FAM228B: variants seen among roughly 807,000 people sequenced by gnomAD.
The protein encoded by FAM228B is protein FAM228B.
In FAM228B, 38 loss-of-function variants were observed where a neutral mutation model predicts 42.6. The ratio of observed to expected loss-of-function variants is 0.89; its 90% CI spans 0.69 to 1.17. The LOEUF (loss-of-function observed/expected upper bound fraction) is 1.17, where lower values mean the gene tolerates loss of function less well. Ranked by LOEUF, FAM228B falls within the 50% of genes most tolerant of loss-of-function variation. The pLI is 0.00. For missense variants in FAM228B, 344 were observed against 367.3 expected, an observed-to-expected ratio of 0.94 and a Z score of 0.52; for synonymous variants, 109 against 122.3, an observed-to-expected ratio of 0.89 and a Z score of 0.72.
At chr2:24,111,135 A>G (rs865923813) in intron 3 of FAM228B, among the ~76,000 whole-genome samples, 5 of 151,916 alleles carry the variant, frequency 3.3e-5, no homozygotes, top group South Asian at 4.2e-4. Context: ...ATCATAGCTC[A>G]GTGTAACCTG....
intron 7 of FAM228B, among the ~76,000 whole-genome samples, chr2:24,148,341 G>A (rs907348165): frequency 9.2e-5 from 14 of 152,186 alleles, no homozygotes; most frequent in African/African-American, 3.4e-4. Context: ...GCTTCTAGTG[G>A]ACGCAGAGGA....
chr2:24,143,349 T>TTTG (rs769539384), intron 5 of FAM228B, among the ~76,000 whole-genome samples: 57 of 151,956 alleles, frequency 3.8e-4, no homozygotes, highest in Admixed American at 8.5e-4. Context: ...CCCGGCTAAT[T>TTTG]TTGTTGTTGT....
intron 3 of FAM228B, among the ~76,000 whole-genome samples, chr2:24,098,937 A>G (rs960808460): frequency 3.9e-5 from 6 of 152,348 alleles, no homozygotes; most frequent in Admixed American, 2.0e-4. Flanking sequence ...ATCAACCATG[A>G]TCAAGTTGGC....
chr2:24,159,524 A>T (rs371582728), intron 7 of FAM228B, among the ~76,000 whole-genome samples: 137 of 152,366 alleles, frequency 9.0e-4, no homozygotes, highest in African/African-American at 3.2e-3. Context: ...GCTTTGTTTT[A>T]TAATTTTATT....
At chr2:24,094,959 G>T (rs1665466174) in intron 2 of FAM228B, among the ~76,000 whole-genome samples, 1 of 152,236 alleles carries the variant, frequency 6.6e-6, no homozygotes, top group South Asian at 2.1e-4. Flanking sequence ...AGCCTGGCGT[G>T]GTGGCACACA....
At chr2:24,081,738 G>C (rs1665012280) in intron 2 of FAM228B, among the ~76,000 whole-genome samples, 2 of 150,836 alleles carry the variant, frequency 1.3e-5, no homozygotes, top group South Asian at 4.2e-4. Flanking sequence ...ACCCAGGCTG[G>C]AGTGCAGTGG....
chr2:24,139,285 A>G lies in FAM228B; in HGVS notation c.361-85A>G, dbSNP rs536567853. On this transcript the variant is annotated intron_variant, in intron 4 of 10. Transcript: ENST00000615575. ...TGCTTTCAAGCATAAGAATGATACT[A>G]TGTGTTTGACTCTCAAGTCCTGATA... 407 of 658,554 alleles carry G rather than the reference A, an allele frequency of 6.2e-4. 7 individuals carry two copies. The South Asian group carries it at 8.5e-3, about 14-fold the overall frequency. The allele number at this position is 658,554 out of a possible 1,614,324, so 40.8% of individuals were successfully genotyped here. A position where few individuals can be genotyped will look rare whatever the true frequency, so the allele number is the denominator to read the frequency against.
At chr2:24,154,576 G>C (rs898724834) in intron 7 of FAM228B, among the ~76,000 whole-genome samples, 1 of 152,120 alleles carries the variant, frequency 6.6e-6, no homozygotes, top group African/African-American at 2.4e-5. Flanking sequence ...TTTTAATAAA[G>C]TCCAGCTAAT....
Position 24,143,396 on chromosome 2 carries a change from G to A in FAM228B, c.442-3352G>A, listed in dbSNP as rs550657614. The stretch of plus-strand genomic sequence containing the variant: ...TTTTCAGTAGAGATGGGGTTTCATC[G>A]TGTTAGCCAGGATGGTTTTGATCTC... On this transcript the variant is annotated intron_variant, in intron 5 of 10. Coordinates refer to ENST00000615575, the MANE Select transcript of FAM228B (RefSeq NM_001145710.2). Among the ~76,000 whole-genome samples the A allele has an allele frequency of 1.8e-4, 28 of 152,140 alleles. No homozygotes were observed. In the East Asian group the frequency reaches 2.1e-3, roughly 12 times the overall value.
chr2:24,095,364 G>A lies in FAM228B; in HGVS notation c.-121+135G>A, dbSNP rs1181531214. The A allele has an allele frequency of 2.6e-5, 4 of 152,228 alleles. No individual in the cohort carries two copies. Among genetic ancestry groups the A allele is most frequent in the Admixed American group, 2.6e-4 (4 of 15,280 alleles). 9.4% of individuals were successfully genotyped at this position (152,228 alleles called of 1,614,324 possible). A position where few individuals can be genotyped will look rare whatever the true frequency, so the allele number is the denominator to read the frequency against. The stretch of plus-strand genomic sequence containing the variant: ...GATTTCCCTTTCCTAGCCAAGGGAA[G>A]CCGTGACAGACTACCTGGAAAAATG... On this transcript the variant is annotated intron_variant, in intron 3 of 10. Transcript: ENST00000613899. The surrounding 1 kb of genome is among the most constrained non-coding windows in gnomAD (Gnocchi z 4.8).
chr2:24,143,030 A>G (rs927689321), intron 5 of FAM228B, among the ~76,000 whole-genome samples: 2 of 152,246 alleles, frequency 1.3e-5, no homozygotes, highest in East Asian at 1.9e-4. Context: ...TGAAAAATTC[A>G]TAGATATGGT....
At chr2:24,087,487 C>A (rs1184549052) in intron 2 of FAM228B, 1 of 152,180 alleles carries the variant, frequency 6.6e-6, no homozygotes, top group Non-Finnish European at 1.5e-5. Flanking sequence ...CCCTTATAAG[C>A]ACACTCGAGT....
chr2:24,163,018 T>G (rs1397492800), intron 8 of FAM228B, among the ~76,000 whole-genome samples: 1 of 152,144 alleles, frequency 6.6e-6, no homozygotes, highest in African/African-American at 2.4e-5. Context: ...GTAAATATAC[T>G]AAAAACCATT....
chr2:24,088,551 A>G (rs985124657), intron 2 of FAM228B, among the ~76,000 whole-genome samples: 2 of 152,036 alleles, frequency 1.3e-5, no homozygotes, highest in African/African-American at 2.4e-5. Context: ...GGGTTTCGCC[A>G]TGTTGGCCAG....
chr2:24,159,167 A>G (rs1667231225), intron 7 of FAM228B, among the ~76,000 whole-genome samples: 1 of 152,152 alleles, frequency 6.6e-6, no homozygotes, highest in Non-Finnish European at 1.5e-5. Context: ...TAACCTGATA[A>G]CATCTGCAAA....
chr2:24,130,785 A>G (rs1423093409), intron 2 of FAM228B, among the ~76,000 whole-genome samples: 1 of 152,160 alleles, frequency 6.6e-6, no homozygotes, highest in African/African-American at 2.4e-5. Context: ...TTTGCTGTAT[A>G]GAAGCTCTTT....
Position 24,132,331 on chromosome 2 carries a change from G to C in FAM228B, c.100-2788G>C, listed in dbSNP as rs1444482152. Among the ~76,000 whole-genome samples the C allele has an allele frequency of 2.0e-5, 3 of 152,132 alleles. No homozygotes were observed. In the South Asian group the frequency reaches 6.2e-4, roughly 31 times the overall value. On this transcript the variant is annotated intron_variant, in intron 2 of 10. Transcript: ENST00000615575. ...CTCTGCCAGATTTTGGTACCAGGATGATGGCCTCATACAATGAGTTAGGGA... is the reference window on the plus strand; with the variant it reads ...CTCTGCCAGATTTTGGTACCAGGATCATGGCCTCATACAATGAGTTAGGGA...
chr2:24,147,135 T>C, intron 7 of FAM228B, 49 bp downstream of exon 7: 1 of 1,262,240 alleles, frequency 7.9e-7, no homozygotes, highest in Non-Finnish European at 1.1e-6. Flanking sequence ...ACTTTGAAAA[T>C]TCTTCAGACT....
At chr2:24,107,394 T>C (rs55905755) in intron 3 of FAM228B, among the ~76,000 whole-genome samples, 21,577 of 152,158 alleles carry the variant, frequency 0.14, 1,917 homozygotes, top group South Asian at 0.21. Context: ...AACAAAGCTA[T>C]TCAGGACCTG....
Sources: allele counts gnomAD v4.1 joint callset (sites outside exome capture counted in the v4.1 genomes callset), GRCh38; gene constraint gnomAD v4.1.1; non-coding constraint Gnocchi (gnomAD v3.1); transcripts MANE v1.5; gene names NCBI Gene and HGNC (gene_info 2026-07-23, HGNC 2026-07-21).